The following UNC119B variants were observed in gnomAD, a reference collection of about 807,000 sequenced individuals.
UNC119B encodes the protein unc-119 lipid binding chaperone B.
Under a neutral mutation model 23.4 loss-of-function variants are expected in UNC119B, and 16 were observed. The observed-to-expected ratio is 0.68, with a 90% CI of 0.46 to 1.04. The LOEUF is 1.04. UNC119B is among the 50% of genes least tolerant of loss of function. The pLI, the probability that UNC119B is intolerant of heterozygous loss-of-function variation, is 0.00. For synonymous variants in UNC119B, 144 were observed against 145.4 expected (o/e 0.99, Z 0.07); for missense variants, 350 against 361.3 (o/e 0.97, Z 0.25).
chr12:120,722,134 A>G lies in UNC119B; in HGVS notation c.*2102A>G, dbSNP rs967136337. On this transcript the variant is annotated 3_prime_UTR_variant, in exon 5 of 5. Transcript: ENST00000344651. ...ACTGTATCTGCTACATTAGTGGGCT[A>G]TCTCTTATCTGCAGTGTTCGCTTTT... 2.6e-5 allele frequency: 4 copies of G among 152,314 alleles called. No individual in the cohort carries two copies. Among genetic ancestry groups the G allele is most frequent in the Non-Finnish European group, 5.9e-5 (4 of 68,118 alleles). 9.4% of individuals were successfully genotyped at this position (152,314 alleles called of 1,614,324 possible).
In UNC119B at chr12:120,720,352, C is replaced by T. The variant is rs553579635; in HGVS notation, c.*320C>T. The T allele has an allele frequency of 1.2e-4, 28 of 238,122 alleles. No homozygotes were observed. The highest frequency in any genetic ancestry group is 5.1e-4 in the Admixed American group (9 of 17,780). 14.8% of individuals were successfully genotyped at this position (238,122 alleles called of 1,614,324 possible). Reference sequence around the variant, plus strand: ...TCTGGCTGCCTGTTGGTTGTCTTGACGACCAGGCATAGCTGTGCCTGGTGA... The same window carrying T: ...TCTGGCTGCCTGTTGGTTGTCTTGATGACCAGGCATAGCTGTGCCTGGTGA... On this transcript the variant is annotated 3_prime_UTR_variant, in exon 5 of 5. Transcript: ENST00000344651.
intron 1 of UNC119B, among the ~76,000 whole-genome samples, chr12:120,712,514 A>C (rs1566019298): frequency 6.6e-6 from 1 of 152,198 alleles, no homozygotes; most frequent in Non-Finnish European, 1.5e-5. Context: ...CTTGGGCCTA[A>C]TGTCTTCACC....
At position 120,716,919 on chromosome 12, in the gene UNC119B, G is replaced by A. The variant is rs919865556; in HGVS notation, c.520G>A (p.Glu174Lys). The change falls in exon 4 of 5, where the codon GAA becomes AAA. Residue 174 changes from glutamate (E) to lysine (K), a missense_variant. Glu to Lys is a moderately conservative substitution (Grantham distance 56, BLOSUM62 1). Transcript: ENST00000344651. ...DKPVSNFRMI[E>K]RHYFREHLLK... The stretch of plus-strand genomic sequence containing the variant: ...ACCTGTTTCAAACTTCCGGATGATC[G>A]AACGGCACTATTTCCGGGAACACTT... 1.4e-5 allele frequency: 22 copies of A among 1,613,574 alleles called. No individual in the cohort carries two copies. The highest frequency in any genetic ancestry group is 1.8e-5 in the Non-Finnish European group (21 of 1,179,696).
intron 4 of UNC119B, 115 bp from the exon 5 acceptor site, chr12:120,719,805 A>T: frequency 1.4e-6 from 1 of 700,558 alleles, no homozygotes; most frequent in Non-Finnish European, 2.5e-6. Flanking sequence ...GGCAGAGTAT[A>T]CTCTGAAGCG....
chr12:120,721,743 G>A lies in UNC119B; in HGVS notation c.*1711G>A, dbSNP rs1211376218. The A allele has an allele frequency of 6.5e-6, 1 of 152,718 alleles. No individual in the cohort carries two copies. Among genetic ancestry groups the A allele is most frequent in the Non-Finnish European group, 1.5e-5 (1 of 68,114 alleles). 9.5% of individuals were successfully genotyped at this position (152,718 alleles called of 1,614,324 possible). ...GGAGAGACCATTCCTCCTGTGGAGT[G>A]GGTTCCTTATCACCAGACCGGCCAC... On this transcript the variant is annotated 3_prime_UTR_variant, in exon 5 of 5. Coordinates refer to ENST00000344651, the MANE Select transcript of UNC119B (RefSeq NM_001080533.3).
At chr12:120,712,882 A>C (rs889601768) in intron 1 of UNC119B, among the ~76,000 whole-genome samples, 1 of 152,264 alleles carries the variant, frequency 6.6e-6, no homozygotes, top group African/African-American at 2.4e-5. Context: ...TGGCAAACTA[A>C]CGTTGGCAAA....
In UNC119B at chr12:120,710,473, C is replaced by A. The variant is rs902306321; in HGVS notation, c.-2C>A. 2 of 1,292,000 alleles carry A rather than the reference C, an allele frequency of 1.5e-6. No individual in the cohort carries two copies. Among genetic ancestry groups the A allele is most frequent in the Non-Finnish European group, 2.0e-6 (2 of 1,021,256 alleles). The allele number at this position is 1,292,000 out of a possible 1,614,324, so 80.0% of individuals were successfully genotyped here. ...GGCGGCGGCCATCTTGGCGGCGGAG[C>A]GATGAGCGGGTCTAACCCGAAGGCT... On this transcript the variant is annotated 5_prime_UTR_variant, in exon 1 of 5. Transcript: ENST00000344651.
intron 4 of UNC119B, among the ~76,000 whole-genome samples, chr12:120,717,988 C>T (rs1429489119): frequency 1.3e-5 from 2 of 151,866 alleles, no homozygotes; most frequent in African/African-American, 2.4e-5. Flanking sequence ...TCTGCCTCAG[C>T]CTCCTGAGTA....
chr12:120,716,977 G>T lies in UNC119B; in HGVS notation c.578G>T (p.Cys193Phe). ...AACTTTGACTTTGATTTTGGCTTCT[G>T]CATCCCCAGCAGTAGGAACACTTGT... The part of the protein sequence containing the change: ...LKNFDFDFGF[C>F]IPSSRNTCEH... The change falls in exon 4 of 5, where the codon TGC becomes TTC. Residue 193 changes from cysteine to phenylalanine, a missense_variant. Coordinates refer to ENST00000344651, the MANE Select transcript of UNC119B (RefSeq NM_001080533.3). The T allele has an allele frequency of 6.2e-7, 1 of 1,613,586 alleles. No individual in the cohort carries two copies. The highest frequency in any genetic ancestry group is 8.5e-7 in the Non-Finnish European group (1 of 1,179,704).
chr12:120,717,018 T>C lies in UNC119B; in HGVS notation c.619T>C (p.Phe207Leu), dbSNP rs1882795377. The part of the protein sequence containing the change: ...SRNTCEHIYE[F>L]PQLSEDVIRL... Reference sequence around the variant, plus strand: ...GAACACTTGTGAACATATCTATGAGTTTCCCCAGCTTTCGGAGGATGTCAG... The same window carrying C: ...GAACACTTGTGAACATATCTATGAGCTTCCCCAGCTTTCGGAGGATGTCAG... Residue 207 changes from phenylalanine to leucine, a missense_variant, in exon 4 of 5, where the codon TTT (phenylalanine) becomes CTT (leucine). By Grantham distance (22) the Phe-to-Leu change is conservative. Coordinates refer to ENST00000344651, the MANE Select transcript of UNC119B (RefSeq NM_001080533.3). 8 of 1,599,254 alleles carry C rather than the reference T, an allele frequency of 5.0e-6. No individual in the cohort carries two copies. The highest frequency in any genetic ancestry group is 1.7e-5 in the Admixed American group (1 of 58,526).
intron 2 of UNC119B, among the ~76,000 whole-genome samples, chr12:120,714,724 C>T (rs967395984): frequency 5.9e-5 from 9 of 151,954 alleles, no homozygotes; most frequent in Admixed American, 5.9e-4. Flanking sequence ...TGGGACATTG[C>T]AAGGACTCCA....
chr12:120,712,845 T>G (rs1882697334), intron 1 of UNC119B, among the ~76,000 whole-genome samples: 2 of 152,238 alleles, frequency 1.3e-5, no homozygotes, highest in African/African-American at 4.8e-5. Context: ...AAAAGTTTGC[T>G]GATCTCGGCT....
At chr12:120,715,616 C>T (rs191114621) in intron 2 of UNC119B, among the ~76,000 whole-genome samples, 134 of 149,950 alleles carry the variant, frequency 8.9e-4, no homozygotes, top group African/African-American at 3.2e-3. Flanking sequence ...TCACTACAAC[C>T]TCCGCCTCCC....
At chr12:120,715,466 C>G (rs1882759192) in intron 2 of UNC119B, among the ~76,000 whole-genome samples, 1 of 150,780 alleles carries the variant, frequency 6.6e-6, no homozygotes, top group Non-Finnish European at 1.5e-5. Flanking sequence ...AATATCCTCA[C>G]TGGACACTGG....
chr12:120,719,783 C>T (rs1174648165), intron 4 of UNC119B, 137 bp from the exon 5 acceptor site: 4 of 639,230 alleles, frequency 6.3e-6, no homozygotes, highest in African/African-American at 5.5e-5. Flanking sequence ...GTTCTGACCT[C>T]ATCGTTATTC....
At chr12:120,718,720 G>A (rs749589330) in intron 4 of UNC119B, among the ~76,000 whole-genome samples, 7 of 152,252 alleles carry the variant, frequency 4.6e-5, no homozygotes, top group Non-Finnish European at 1.0e-4. Flanking sequence ...TTATGAGGGT[G>A]TGAATAGAAT....
intron 4 of UNC119B, among the ~76,000 whole-genome samples, chr12:120,719,194 T>C (rs1438811858): frequency 1.3e-5 from 2 of 152,174 alleles, no homozygotes; most frequent in Non-Finnish European, 2.9e-5. Context: ...ATTATCTTTA[T>C]TCTCCAGTAT....
chr12:120,717,476 C>G (rs2136931869), intron 4 of UNC119B, among the ~76,000 whole-genome samples: 1 of 152,112 alleles, frequency 6.6e-6, no homozygotes. Flanking sequence ...TCAGGCTGGT[C>G]TCGAACACTT....
intron 4 of UNC119B, among the ~76,000 whole-genome samples, chr12:120,718,674 C>T (rs1238354183): frequency 2.0e-5 from 3 of 152,192 alleles, no homozygotes; most frequent in Non-Finnish European, 4.4e-5. Flanking sequence ...CTCAGGTTCG[C>T]ATCCTTTGTG....
Sources: allele counts gnomAD v4.1 joint callset (sites outside exome capture counted in the v4.1 genomes callset), GRCh38; gene constraint gnomAD v4.1.1; transcripts MANE v1.5; gene names NCBI Gene and HGNC (gene_info 2026-07-23, HGNC 2026-07-21).